NEMP1: variants seen among roughly 807,000 people sequenced by gnomAD.
The protein encoded by NEMP1 is transmembrane protein 194.
In NEMP1, 29 loss-of-function variants were observed where a neutral mutation model predicts 53.7. That is an observed-to-expected ratio of 0.54 (90% CI 0.40 to 0.74). The LOEUF (loss-of-function observed/expected upper bound fraction) is 0.74. Ranked by LOEUF, NEMP1 falls within the 30% of genes least tolerant of loss-of-function variation. The pLI is 0.00. For missense variants in NEMP1, 477 were observed against 528.6 expected (o/e 0.90, Z 0.96); for synonymous variants, 193 against 192.9 (o/e 1.00, Z 0.00).
At chr12:57,082,635 C>T (rs1357876254), upstream of NEMP1, among the ~76,000 whole-genome samples, 2 of 152,092 alleles carry the variant, frequency 1.3e-5, no homozygotes, top group African/African-American at 4.8e-5. Flanking sequence ...TCACTTGAGT[C>T]TGGGAGGTTG....
upstream of NEMP1, among the ~76,000 whole-genome samples, chr12:57,079,031 T>G (rs1472921174): frequency 6.6e-6 from 1 of 152,244 alleles, no homozygotes; most frequent in Non-Finnish European, 1.5e-5. Context: ...CTTCAGTTTA[T>G]TTACAACTGG....
chr12:57,063,232 C>T lies in NEMP1; in HGVS notation c.867G>A (p.Leu289=). 1 of 1,614,202 alleles carries T rather than the reference C, an allele frequency of 6.2e-7. No individual in the cohort carries two copies. Among genetic ancestry groups the T allele is most frequent in the South Asian group, 1.1e-5 (1 of 91,084 alleles). ...LLTWTLQLMG[L]CFMYSGIQIP... ...TCTGGATGCCAGAATACATGAAACA[C>T]AGGCCCATCAGCTGCAAGGTCCAGG... The change falls in exon 7 of 9, where the codon CTG becomes CTA. Residue 289 remains leucine (L), a synonymous_variant. Coordinates refer to ENST00000300128, the MANE Select transcript of NEMP1 (RefSeq NM_001130963.2).
chr12:57,087,251 G>C (rs2033029223), intron 1 of NEMP1, among the ~76,000 whole-genome samples: 1 of 152,214 alleles, frequency 6.6e-6, no homozygotes, highest in Admixed American at 6.5e-5. Context: ...CCTCCTCCTT[G>C]GGCGGGCGTC....
At chr12:57,071,992 T>C (rs1183149387) in intron 2 of NEMP1, among the ~76,000 whole-genome samples, 1 of 152,234 alleles carries the variant, frequency 6.6e-6, no homozygotes, top group Non-Finnish European at 1.5e-5. Flanking sequence ...CTTAACAGTG[T>C]TATGAAATAA....
intron 1 of NEMP1, among the ~76,000 whole-genome samples, chr12:57,075,874 G>C (rs142808146): frequency 6.8e-6 from 1 of 147,678 alleles, no homozygotes; most frequent in Non-Finnish European, 1.5e-5. Context: ...AGGCTGAGGC[G>C]GGCAGATCAC....
upstream of NEMP1, among the ~76,000 whole-genome samples, chr12:57,088,299 C>A (rs561584588): frequency 6.6e-6 from 1 of 152,326 alleles, no homozygotes; most frequent in East Asian, 1.9e-4. Context: ...ATTCCTGTTT[C>A]CCAAACTTTC....
chr12:57,078,867 T>C, upstream of NEMP1: 1 of 1,146,398 alleles, frequency 8.7e-7, no homozygotes, highest in South Asian at 1.5e-5. Context: ...GGGCAGGGCT[T>C]CGAGCACCCA....
Position 57,078,656 on chromosome 12 carries a change from T to G in NEMP1, c.90A>C (p.Leu30=), listed in dbSNP as rs755125632. 1.9e-6 allele frequency: 3 copies of G among 1,612,088 alleles called. No homozygotes were observed. The Admixed American group carries it at 5.0e-5, about 27-fold the overall frequency. ...SGVGGGGTVR[L]LLILSGCLVY... is the part of the protein sequence containing the mutation. ...CCAAGCAGCCGGAGAGGATCAAGAG[T>G]AGCCGCACTGTCCCACCGCCCCCGA... The change falls in exon 1 of 9, where the codon CTA becomes CTC. Residue 30 remains leucine, a synonymous_variant. Coordinates refer to ENST00000300128, the MANE Select transcript of NEMP1 (RefSeq NM_001130963.2).
At chr12:57,077,433 G>A (rs554750197) in intron 1 of NEMP1, among the ~76,000 whole-genome samples, 1 of 151,718 alleles carries the variant, frequency 6.6e-6, no homozygotes, top group Admixed American at 6.6e-5. Flanking sequence ...AGGAGGCGGA[G>A]GTTGCAGTGA....
At chr12:57,075,265 G>A (rs2032550374) in intron 1 of NEMP1, among the ~76,000 whole-genome samples, 2 of 151,384 alleles carry the variant, frequency 1.3e-5, no homozygotes, top group African/African-American at 2.4e-5. Flanking sequence ...GCGGGCGCCT[G>A]TAGTCCCAGC....
chr12:57,074,900 C>T (rs1237267341), intron 1 of NEMP1, among the ~76,000 whole-genome samples: 1 of 151,458 alleles, frequency 6.6e-6, no homozygotes, highest in East Asian at 2.0e-4. Context: ...CCAGCCTGGC[C>T]AACATGGTGA....
At chr12:57,071,135 A>G (rs2032325712) in intron 2 of NEMP1, among the ~76,000 whole-genome samples, 1 of 152,228 alleles carries the variant, frequency 6.6e-6, no homozygotes, top group Admixed American at 6.5e-5. Flanking sequence ...TGAATCTACT[A>G]TTAGGGCAGA....
intron 4 of NEMP1, among the ~76,000 whole-genome samples, chr12:57,067,933 C>A (rs577181212): frequency 1.3e-5 from 2 of 152,052 alleles, no homozygotes; most frequent in East Asian, 3.9e-4. Flanking sequence ...CCATGCCTGG[C>A]TAATTTTTGT....
chr12:57,073,034 G>A, intron 1 of NEMP1, 122 bp from the exon 2 acceptor site: 4 of 773,976 alleles, frequency 5.2e-6, no homozygotes, highest in Non-Finnish European at 7.5e-6. Flanking sequence ...GCCAGACTGA[G>A]AAATAAGAAA....
chr12:57,081,787 G>C (rs1284804294), upstream of NEMP1, among the ~76,000 whole-genome samples: 1 of 151,206 alleles, frequency 6.6e-6, no homozygotes, highest in Non-Finnish European at 1.5e-5. Context: ...GGTACCTGTA[G>C]TCCCAGCTAC....
intron 7 of NEMP1, 96 bp downstream of exon 7, chr12:57,063,023 C>A: frequency 3.3e-6 from 3 of 920,478 alleles, no homozygotes; most frequent in Admixed American, 4.3e-5. Context: ...TTTTCATTAA[C>A]AAAGAAGCTC....
At chr12:57,074,554 C>T (rs1257617171) in intron 1 of NEMP1, among the ~76,000 whole-genome samples, 1 of 150,386 alleles carries the variant, frequency 6.6e-6, no homozygotes, top group Non-Finnish European at 1.5e-5. Context: ...ATCCACCCAC[C>T]TCAGCCTCCC....
chr12:57,076,062 T>C (rs1242767747), intron 1 of NEMP1, among the ~76,000 whole-genome samples: 1 of 152,060 alleles, frequency 6.6e-6, no homozygotes, highest in South Asian at 2.1e-4. Flanking sequence ...CACTCCAGCC[T>C]GGGCAACAGA....
rs752025072 is a variant in NEMP1 at position 57,064,184 on chromosome 12, T to G, written c.641A>C (p.Lys214Thr). The G allele has an allele frequency of 8.2e-6, 13 of 1,589,834 alleles. No individual in the cohort carries two copies. In the Admixed American group the frequency reaches 2.3e-4, roughly 28 times the overall value. ...CACCAGGATGACGTAAATGGGACTT[T>G]TCTAAGACAGAGAGTAGAAGTGAAA... ...IFILSKFMPK[K>T]SPIYVILVGG... Residue 214 changes from lysine (K) to threonine (T), a missense_variant and splice_region_variant, in exon 6 of 9, where the codon AAA (lysine) becomes ACA (threonine). Lys to Thr is a moderately conservative substitution (Grantham distance 78, BLOSUM62 -1). Coordinates refer to ENST00000300128, the MANE Select transcript of NEMP1 (RefSeq NM_001130963.2).
Sources: gnomAD v4.1 joint callset for allele counts (sites outside exome capture counted in the v4.1 genomes callset) on GRCh38, gnomAD v4.1.1 for gene constraint, MANE v1.5 for transcripts, NCBI Gene and HGNC (gene_info 2026-07-23, HGNC 2026-07-21) for gene names.